The following USH1C variants were observed in gnomAD, a reference collection of about 807,000 sequenced individuals.
USH1C encodes the protein USH1 protein network component harmonin, also known as harmonin.
A neutral mutation model predicts 119.3 loss-of-function variants in USH1C; 90 were observed. The observed-to-expected ratio is 0.75, with a 90% CI of 0.64 to 0.90. The LOEUF (loss-of-function observed/expected upper bound fraction) is 0.90. Among genes scored for constraint, USH1C ranks in the 40% least tolerant of loss-of-function variants. The pLI, the probability that USH1C is intolerant of heterozygous loss-of-function variation, is 0.00. For synonymous variants in USH1C, 465 were observed against 443.3 expected, an observed-to-expected ratio of 1.05 and a Z score of -0.62; for missense variants, 1,165 against 1,167.7, an observed-to-expected ratio of 1.00 and a Z score of 0.03.
At chr11:17,519,530 A>G (rs1850318828) in intron 14 of USH1C, among the ~76,000 whole-genome samples, 5 of 152,240 alleles carry the variant, frequency 3.3e-5, no homozygotes, top group Admixed American at 3.3e-4. Flanking sequence ...GGAAGGTACC[A>G]AATTGACTAG....
At chr11:17,519,619 C>T (rs571781614) in intron 14 of USH1C, among the ~76,000 whole-genome samples, 1 of 152,338 alleles carries the variant, frequency 6.6e-6, no homozygotes, top group East Asian at 1.9e-4. Context: ...AATTAGCTGT[C>T]TGTCTAAAAC....
chr11:17,533,325 G>A lies in USH1C; in HGVS notation c.37-3C>T. 1 of 1,610,426 alleles carries A rather than the reference G, an allele frequency of 6.2e-7. No homozygotes were observed. Among genetic ancestry groups the A allele is most frequent in the Admixed American group, 1.7e-5 (1 of 59,922 alleles). On this transcript the variant is annotated splice_region_variant and splice_polypyrimidine_tract_variant and intron_variant, in intron 1 of 26. Coordinates refer to ENST00000005226, the MANE Select transcript of USH1C (RefSeq NM_153676.4). ...TCATTTTCAATCAGAAAATCCACCT[G>A]GAAAATCCAATAGCAGAATCACAGC... is the stretch of plus-strand genomic sequence containing the variant.
At chr11:17,533,116 G>T in intron 2 of USH1C, 139 bp downstream of exon 2, 1 of 761,756 alleles carries the variant, frequency 1.3e-6, no homozygotes, top group Non-Finnish European at 2.4e-6. Context: ...TGAAATGAGT[G>T]AATGGTATGT....
At chr11:17,529,216 T>C (rs1850848401) in intron 4 of USH1C, among the ~76,000 whole-genome samples, 4 of 152,210 alleles carry the variant, frequency 2.6e-5, no homozygotes, top group Admixed American at 2.6e-4. Context: ...ATTTTCTAGG[T>C]CTGGAATATA....
At chr11:17,544,122 G>T in intron 1 of USH1C, 150 bp downstream of exon 1, 1 of 976,214 alleles carries the variant, frequency 1.0e-6, no homozygotes. Context: ...GATCCCTGCT[G>T]CCAGCCAGAC....
At chr11:17,542,879 G>A (rs530031136) in intron 1 of USH1C, among the ~76,000 whole-genome samples, 2 of 152,106 alleles carry the variant, frequency 1.3e-5, no homozygotes, top group East Asian at 3.8e-4. Context: ...CTTGGTATTC[G>A]CCAGCCCCTA....
chr11:17,520,710 T>A (rs902082159), intron 14 of USH1C, among the ~76,000 whole-genome samples, 160 bp downstream of exon 14: 1 of 152,184 alleles, frequency 6.6e-6, no homozygotes, highest in Non-Finnish European at 1.5e-5. Flanking sequence ...CCTACCTCGA[T>A]GCTGGGGCAG....
chr11:17,517,974 T>C (rs1351907427), intron 14 of USH1C, among the ~76,000 whole-genome samples: 1 of 152,018 alleles, frequency 6.6e-6, no homozygotes, highest in Non-Finnish European at 1.5e-5. Context: ...TCCCAAAAGG[T>C]AAAAGGGGTA....
chr11:17,500,534 G>C (rs1209238765), intron 23 of USH1C, among the ~76,000 whole-genome samples: 2 of 152,182 alleles, frequency 1.3e-5, no homozygotes, highest in East Asian at 1.9e-4. Flanking sequence ...CCAAACGTTC[G>C]GCTCCTACCA....
At chr11:17,521,482 C>T in intron 12 of USH1C, 71 bp from the exon 13 acceptor site, 1 of 1,538,170 alleles carries the variant, frequency 6.5e-7, no homozygotes, top group Admixed American at 1.7e-5. Context: ...ACTGTGAATT[C>T]TTGATTTGGA....
At chr11:17,532,287 A>C (rs1851023680) in intron 2 of USH1C, among the ~76,000 whole-genome samples, 1 of 151,930 alleles carries the variant, frequency 6.6e-6, no homozygotes, top group Admixed American at 6.6e-5. Context: ...CCACCTACCA[A>C]AATCTTTTTC....
chr11:17,534,830 C>G (rs952672008), intron 1 of USH1C, among the ~76,000 whole-genome samples: 1 of 147,830 alleles, frequency 6.8e-6, no homozygotes, highest in Non-Finnish European at 1.5e-5. Flanking sequence ...GCCAAGATTG[C>G]ACCACTGCAC....
chr11:17,512,255 C>T lies in USH1C; in HGVS notation c.1261-201G>A, dbSNP rs111756011. 3.9e-5 allele frequency among the ~76,000 whole-genome samples: 6 copies of T among 152,232 alleles called. No individual in the cohort carries two copies. The East Asian group carries it at 1.2e-3, about 29-fold the overall frequency. ...TACTGCAGAGTGGGAGACACATTCT[C>T]TTTACCAGCCAGAAAGACTGGCTTA... On this transcript the variant is annotated intron_variant, in intron 15 of 26. Coordinates refer to ENST00000005226, the MANE Select transcript of USH1C (RefSeq NM_153676.4).
chr11:17,533,371 C>CCT (rs1554963821), intron 1 of USH1C, 49 bp from the exon 2 acceptor site: 1 of 1,340,294 alleles, frequency 7.5e-7, no homozygotes, highest in Non-Finnish European at 1.1e-6. Context: ...GCACCCGCCC[C>CCT]CATAGCAGAC....
chr11:17,531,004 A>G lies in USH1C; in HGVS notation c.387+150T>C. The G allele has an allele frequency of 3.2e-6, 4 of 1,235,730 alleles. No individual in the cohort carries two copies. The Admixed American group carries it at 8.4e-5, about 26-fold the overall frequency. 76.5% of individuals were successfully genotyped at this position (1,235,730 alleles called of 1,614,324 possible). On this transcript the variant is annotated intron_variant, in intron 4 of 26. Transcript: ENST00000005226. This position sits in a 1 kb window ranked among gnomAD's most constrained non-coding sequence, Gnocchi z 4.2. ...GCGGCCTGATTTCTATGAGCCTAAG[A>G]ACACCCATCAGGATGCGCCAGCCTC...
intron 18 of USH1C, among the ~76,000 whole-genome samples, chr11:17,508,297 TC>T: frequency 6.6e-6 from 1 of 152,322 alleles, no homozygotes; most frequent in African/African-American, 2.4e-5. Flanking sequence ...TCTGAGAGTC[TC>T]CCGCTGGAAG....
intron 1 of USH1C, among the ~76,000 whole-genome samples, chr11:17,540,281 C>G (rs777022441): frequency 5.9e-5 from 9 of 152,168 alleles, no homozygotes; most frequent in Non-Finnish European, 1.2e-4. Context: ...TGCCCTTCAT[C>G]TTTTCAGAGG....
rs556312093 is a variant in USH1C, at chr11:17,504,547, T to C, written c.2184+100A>G. On this transcript the variant is annotated intron_variant, in intron 20 of 26. Coordinates refer to ENST00000005226, the MANE Select transcript of USH1C (RefSeq NM_153676.4). ...GGCTTGGTGGCAGATGGGGCCACCATGGACCTGACCAGGTACTCCCAGAGA... is the reference window on the plus strand; with the variant it reads ...GGCTTGGTGGCAGATGGGGCCACCACGGACCTGACCAGGTACTCCCAGAGA... 1,698 of 1,354,012 alleles carry C rather than the reference T, an allele frequency of 1.3e-3. 4 individuals carry two copies. The highest frequency in any genetic ancestry group is 1.1e-3 in the Non-Finnish European group (1,079 of 944,094). The allele number at this position is 1,354,012 out of a possible 1,614,324, so 83.9% of individuals were successfully genotyped here.
intron 7 of USH1C, 140 bp downstream of exon 7, chr11:17,526,613 C>A: frequency 8.7e-7 from 1 of 1,150,656 alleles, no homozygotes; most frequent in Non-Finnish European, 1.3e-6. Context: ...TGCTGCCCCA[C>A]AGCGGTGTGC....
Sources: allele counts gnomAD v4.1 joint callset (sites outside exome capture counted in the v4.1 genomes callset), GRCh38; gene constraint gnomAD v4.1.1; non-coding constraint Gnocchi (gnomAD v3.1); transcripts MANE v1.5; gene names NCBI Gene and HGNC (gene_info 2026-07-23, HGNC 2026-07-21).